IL1RAP: variants seen among roughly 807,000 people sequenced by gnomAD.
The protein encoded by IL1RAP is interleukin 1 receptor accessory protein, also known as interleukin-1 receptor accessory protein.
IL1RAP carries 35 observed loss-of-function variants against 60.7 expected under a neutral mutation model. That is an observed-to-expected ratio of 0.58 (90% CI 0.44 to 0.76). IL1RAP has a LOEUF of 0.76. IL1RAP is among the 30% of genes least tolerant of loss of function. The probability of loss-of-function intolerance (pLI) is 0.00; values close to 1 mark genes in which losing one functional copy is unlikely to be tolerated. For missense variants in IL1RAP, 572 were observed against 693.9 expected (o/e 0.82, Z 1.97); for synonymous variants, 268 against 250.9 (o/e 1.07, Z -0.64).
At chr3:190,535,969 A>G (rs867289005) in intron 1 of IL1RAP, among the ~76,000 whole-genome samples, 6 of 152,216 alleles carry the variant, frequency 3.9e-5, no homozygotes, top group Non-Finnish European at 7.3e-5. Context: ...TTATACTTTC[A>G]TGAACAATTC....
intron 9 of IL1RAP, among the ~76,000 whole-genome samples, chr3:190,643,320 G>A (rs940205549): frequency 2.0e-5 from 3 of 152,296 alleles, no homozygotes; most frequent in African/African-American, 2.4e-5. Context: ...CCAGCCAGAA[G>A]TCACAGCATG....
chr3:190,573,612 C>T (rs1009653174), intron 3 of IL1RAP, among the ~76,000 whole-genome samples: 8 of 152,128 alleles, frequency 5.3e-5, no homozygotes, highest in African/African-American at 1.9e-4. Flanking sequence ...ACTTTTAGCT[C>T]TCTCACCTTT....
At chr3:190,604,074 C>A in intron 3 of IL1RAP, 54 bp from the exon 4 acceptor site, 1 of 1,544,374 alleles carries the variant, frequency 6.5e-7, no homozygotes, top group Non-Finnish European at 8.8e-7. Flanking sequence ...TCTTTTGAGG[C>A]CTTTGTTGTA....
intron 9 of IL1RAP, among the ~76,000 whole-genome samples, chr3:190,631,847 C>T (rs1442371544): frequency 2.0e-5 from 3 of 152,132 alleles, no homozygotes; most frequent in African/African-American, 7.2e-5. Flanking sequence ...GTCACCTAGG[C>T]TGAAGTGCAG....
intron 2 of IL1RAP, among the ~76,000 whole-genome samples, chr3:190,561,928 A>G (rs1413025761): frequency 2.0e-5 from 3 of 152,120 alleles, no homozygotes; most frequent in Admixed American, 1.3e-4. Flanking sequence ...AGTGCTCTAT[A>G]AAGTACAATT....
intron 6 of IL1RAP, among the ~76,000 whole-genome samples, chr3:190,621,898 C>T (rs1414891696): frequency 6.6e-6 from 1 of 152,034 alleles, no homozygotes; most frequent in Non-Finnish European, 1.5e-5. Flanking sequence ...CTTTTGAAGA[C>T]AATACTAAAA....
intron 3 of IL1RAP, among the ~76,000 whole-genome samples, chr3:190,586,836 A>G (rs79921268): frequency 0.015 from 2,236 of 152,068 alleles, 45 homozygotes; most frequent in African/African-American, 0.046. Flanking sequence ...AAACAGGACT[A>G]TATAGTGACA....
At chr3:190,572,548 G>T (rs956220339) in intron 3 of IL1RAP, among the ~76,000 whole-genome samples, 7 of 152,094 alleles carry the variant, frequency 4.6e-5, no homozygotes, top group African/African-American at 1.7e-4. Flanking sequence ...TCCTACACGG[G>T]TTTCCTGGAT....
intron 1 of IL1RAP, among the ~76,000 whole-genome samples, chr3:190,541,153 G>T (rs527875584): frequency 1.2e-4 from 18 of 152,046 alleles, no homozygotes; most frequent in African/African-American, 4.3e-4. Context: ...CAAAGTTAGG[G>T]CCCAACTCTC....
At chr3:190,597,051 G>C (rs1412375282) in intron 3 of IL1RAP, among the ~76,000 whole-genome samples, 2 of 152,118 alleles carry the variant, frequency 1.3e-5, no homozygotes, top group East Asian at 3.9e-4. Context: ...ATATTTTCAG[G>C]CTCTGTGGTA....
At chr3:190,538,892 T>C (rs1723695373) in intron 1 of IL1RAP, among the ~76,000 whole-genome samples, 1 of 152,166 alleles carries the variant, frequency 6.6e-6, no homozygotes, top group Non-Finnish European at 1.5e-5. Context: ...CCTACCACCA[T>C]GTGAAGAAGG....
At chr3:190,615,006 T>C (rs116282521) in intron 5 of IL1RAP, among the ~76,000 whole-genome samples, 2 of 151,400 alleles carry the variant, frequency 1.3e-5, no homozygotes, top group African/African-American at 2.4e-5. Flanking sequence ...TCAGAATTGC[T>C]GAAGAAATGG....
At chr3:190,548,583 C>T (rs1724582217) in intron 1 of IL1RAP, among the ~76,000 whole-genome samples, 1 of 152,076 alleles carries the variant, frequency 6.6e-6, no homozygotes, top group African/African-American at 2.4e-5. Context: ...ACACTGTGGA[C>T]ACAAACTTAG....
chr3:190,640,122 G>A (rs148988516), intron 9 of IL1RAP, among the ~76,000 whole-genome samples: 292 of 152,330 alleles, frequency 1.9e-3, no homozygotes, highest in African/African-American at 6.3e-3. Context: ...TGACTCAACA[G>A]CAGCCTTGAA....
chr3:190,561,001 G>A (rs983837380), intron 2 of IL1RAP, among the ~76,000 whole-genome samples: 2 of 152,106 alleles, frequency 1.3e-5, no homozygotes, highest in African/African-American at 4.8e-5. Context: ...TAAATTACAC[G>A]GATAATGCAG....
chr3:190,564,412 C>G lies in IL1RAP; in HGVS notation c.64+59C>G. On this transcript the variant is annotated intron_variant, in intron 3 of 11. Transcript: ENST00000447382. ...GCAAGTCATGCGTAGGGTAATGAGT[C>G]CACTCTTCCTGAAAATGAATTTAAA... 4.1e-6 allele frequency: 4 copies of G among 979,874 alleles called. No homozygotes were observed. In the East Asian group the frequency reaches 9.5e-5, roughly 23 times the overall value. 60.7% of individuals were successfully genotyped at this position (979,874 alleles called of 1,614,324 possible).
At chr3:190,566,495 G>A (rs1040036762) in intron 3 of IL1RAP, among the ~76,000 whole-genome samples, 14 of 152,176 alleles carry the variant, frequency 9.2e-5, no homozygotes, top group African/African-American at 3.1e-4. Context: ...GGAGTCCCCA[G>A]CCCCCACCTC....
chr3:190,598,630 C>T (rs997192381), intron 3 of IL1RAP, among the ~76,000 whole-genome samples: 2 of 151,990 alleles, frequency 1.3e-5, no homozygotes, highest in Non-Finnish European at 2.9e-5. Flanking sequence ...CCTTAACTAT[C>T]CTCACTTTTA....
At chr3:190,592,810 G>A (rs1177537911) in intron 3 of IL1RAP, among the ~76,000 whole-genome samples, 5 of 152,096 alleles carry the variant, frequency 3.3e-5, no homozygotes, top group African/African-American at 9.7e-5. Context: ...GTTTTCATCC[G>A]TCAGGGTTCA....
Sources: allele counts gnomAD v4.1 joint callset (sites outside exome capture counted in the v4.1 genomes callset), GRCh38; gene constraint gnomAD v4.1.1; transcripts MANE v1.5; gene names NCBI Gene and HGNC (gene_info 2026-07-23, HGNC 2026-07-21).